MAGI2: variants seen among roughly 807,000 people sequenced by gnomAD.
MAGI2 encodes the protein membrane associated guanylate kinase, WW and PDZ domain containing 2, also known as membrane-associated guanylate kinase, WW and PDZ domain-containing protein 2.
In MAGI2, 35 loss-of-function variants were observed where a neutral mutation model predicts 133.3. The observed-to-expected ratio is 0.26, with a 90% CI of 0.20 to 0.35. The LOEUF (loss-of-function observed/expected upper bound fraction) is 0.35. Among genes scored for constraint, MAGI2 ranks in the 10% least tolerant of loss-of-function variants. The pLI is 1.00. For synonymous variants in MAGI2, 729 were observed against 710.6 expected (o/e 1.03, Z -0.41); for missense variants, 1,636 against 1,863.4 (o/e 0.88, Z 2.25).
chr7:79,426,518 ACTTAT>A (rs2129183473), intron 1 of MAGI2, among the ~76,000 whole-genome samples: 1 of 152,300 alleles, frequency 6.6e-6, no homozygotes, highest in Non-Finnish European at 1.5e-5. Flanking sequence ...ACAGCTTCTG[ACTTAT>A]CTTCTCTCCT....
At chr7:78,444,350 G>T (rs7803197) in intron 6 of MAGI2, among the ~76,000 whole-genome samples, 66 of 152,058 alleles carry the variant, frequency 4.3e-4, no homozygotes, top group Non-Finnish European at 8.2e-4. Context: ...AATCTTAGAT[G>T]CATTTTGGTC....
chr7:78,686,938 AG>A (rs1816385853), intron 2 of MAGI2, among the ~76,000 whole-genome samples: 1 of 152,196 alleles, frequency 6.6e-6, no homozygotes, highest in South Asian at 2.1e-4. Context: ...GGGGTGAATG[AG>A]CTTCATTATT....
At chr7:78,951,989 G>A (rs1267338885) in intron 2 of MAGI2, among the ~76,000 whole-genome samples, 2 of 152,044 alleles carry the variant, frequency 1.3e-5, no homozygotes, top group African/African-American at 2.4e-5. Context: ...CTTTTGAATT[G>A]TGTGCTTTTC....
intron 2 of MAGI2, among the ~76,000 whole-genome samples, chr7:78,923,231 C>T (rs1342492138): frequency 6.6e-6 from 1 of 152,154 alleles, no homozygotes; most frequent in Non-Finnish European, 1.5e-5. Flanking sequence ...GCTTTTGTTG[C>T]CATTGCTTTT....
chr7:78,546,855 G>A (rs753322691), intron 3 of MAGI2, among the ~76,000 whole-genome samples: 5 of 152,210 alleles, frequency 3.3e-5, no homozygotes, highest in Non-Finnish European at 5.9e-5. Context: ...ACACAGAGTT[G>A]TTCTGAAGCT....
chr7:78,646,623 CTA>C (rs1320454880), intron 2 of MAGI2, among the ~76,000 whole-genome samples: 1 of 152,178 alleles, frequency 6.6e-6, no homozygotes, highest in East Asian at 1.9e-4. Flanking sequence ...AATCACTATG[CTA>C]TCTATACTTG....
At chr7:78,899,556 G>C (rs1344224362) in intron 2 of MAGI2, among the ~76,000 whole-genome samples, 1 of 152,136 alleles carries the variant, frequency 6.6e-6, no homozygotes, top group African/African-American at 2.4e-5. Flanking sequence ...GTCAACATAA[G>C]AGTACTTTCC....
intron 4 of MAGI2, among the ~76,000 whole-genome samples, chr7:78,508,586 A>G (rs1584441107): frequency 6.6e-6 from 1 of 152,314 alleles, no homozygotes; most frequent in Non-Finnish European, 1.5e-5. Flanking sequence ...TTACACGCCA[A>G]CCAAGCTTGC....
At chr7:79,177,341 G>T (rs535948631) in intron 1 of MAGI2, 1 of 151,838 alleles carries the variant, frequency 6.6e-6, no homozygotes, top group Non-Finnish European at 1.5e-5. Flanking sequence ...CATGAAAAAA[G>T]AATTAGTAAT....
intron 2 of MAGI2, among the ~76,000 whole-genome samples, chr7:78,795,456 T>C (rs1787527165): frequency 6.6e-6 from 1 of 152,008 alleles, no homozygotes; most frequent in African/African-American, 2.4e-5. Flanking sequence ...ATTCCATTTA[T>C]AGTAACTACA....
intron 1 of MAGI2, among the ~76,000 whole-genome samples, chr7:79,154,338 TA>T (rs1289049506): frequency 2.0e-5 from 3 of 152,342 alleles, no homozygotes; most frequent in African/African-American, 7.2e-5. Flanking sequence ...GGATGACATT[TA>T]CATGTCAAGC....
chr7:79,160,267 TA>T (rs1239231763), intron 1 of MAGI2, among the ~76,000 whole-genome samples: 1 of 152,024 alleles, frequency 6.6e-6, no homozygotes, highest in African/African-American at 2.4e-5. Context: ...TTCCTCTAGT[TA>T]AAAAACTACT....
chr7:78,775,210 G>A (rs192354489), intron 2 of MAGI2, among the ~76,000 whole-genome samples: 1 of 151,668 alleles, frequency 6.6e-6, no homozygotes, highest in African/African-American at 2.4e-5. Context: ...CTACTCGGGA[G>A]GCTGAGGCAG....
intron 21 of MAGI2, among the ~76,000 whole-genome samples, chr7:78,043,395 T>C (rs987635601): frequency 6.6e-6 from 1 of 152,186 alleles, no homozygotes; most frequent in African/African-American, 2.4e-5. Flanking sequence ...TGTATAATAC[T>C]CTGGAGCTTC....
intron 1 of MAGI2, among the ~76,000 whole-genome samples, chr7:79,206,452 C>G (rs1299338614): frequency 6.8e-6 from 1 of 147,706 alleles, no homozygotes; most frequent in Non-Finnish European, 1.5e-5. Context: ...ATTATGACAA[C>G]AAATTGGATA....
chr7:78,514,636 C>A (rs1023140925), intron 4 of MAGI2, among the ~76,000 whole-genome samples: 1 of 152,146 alleles, frequency 6.6e-6, no homozygotes, highest in African/African-American at 2.4e-5. Context: ...ATAAGCAGGG[C>A]ATTGGCGTTG....
intron 1 of MAGI2, among the ~76,000 whole-genome samples, chr7:79,362,326 T>C (rs770360014): frequency 6.6e-6 from 1 of 151,944 alleles, no homozygotes; most frequent in African/African-American, 2.4e-5. Flanking sequence ...TCAACCAAAA[T>C]GAAATGGACA....
At chr7:79,012,094 T>C (rs2280608) in intron 1 of MAGI2, 102,442 of 151,848 alleles carry the variant, frequency 0.67, 34,734 homozygotes, top group Non-Finnish European at 0.7. Flanking sequence ...GAAATGGCTA[T>C]AGAAGCAGAG....
intron 1 of MAGI2, among the ~76,000 whole-genome samples, chr7:79,053,424 A>G (rs546495640): frequency 1.3e-5 from 2 of 152,312 alleles, no homozygotes; most frequent in East Asian, 3.9e-4. Flanking sequence ...CAAATACTCA[A>G]CCAAATTCTT....
Sources: allele counts gnomAD v4.1 joint callset (sites outside exome capture counted in the v4.1 genomes callset), GRCh38; gene constraint gnomAD v4.1.1; transcripts MANE v1.5; gene names NCBI Gene and HGNC (gene_info 2026-07-23, HGNC 2026-07-21).